The following THSD4 variants were observed in gnomAD, a reference collection of about 807,000 sequenced individuals.
The protein encoded by THSD4 is thrombospondin type-1 domain-containing protein 4.
In THSD4, 69 loss-of-function variants were observed where a neutral mutation model predicts 119.0. The observed-to-expected ratio is 0.58, with a 90% CI of 0.48 to 0.71. THSD4 has a LOEUF of 0.71. THSD4 is among the 30% of genes least tolerant of loss of function. The pLI, the probability that THSD4 is intolerant of heterozygous loss-of-function variation, is 0.00. For missense variants in THSD4, 1,393 were observed against 1,391.1 expected (o/e 1.00, Z -0.02); for synonymous variants, 524 against 540.4 (o/e 0.97, Z 0.42).
chr15:71,248,787 T>C (rs1372590283), intron 5 of THSD4, among the ~76,000 whole-genome samples: 1 of 152,168 alleles, frequency 6.6e-6, no homozygotes. Context: ...CTAATTCTAC[T>C]CCATCTCTAG....
Position 71,242,734 on chromosome 15 carries a change from C to T in THSD4, c.550C>T (p.His184Tyr). 1 of 1,614,196 alleles carries T rather than the reference C, an allele frequency of 6.2e-7. No homozygotes were observed. The highest frequency in any genetic ancestry group is 8.5e-7 in the Non-Finnish European group (1 of 1,180,042). The stretch of plus-strand genomic sequence containing the variant: ...CTTACCACTGCAGACAGACACTGCA[C>T]ACACGCCACAGAGGCTCCGGAGACA... ...YILPLQTDTA[H>Y]TPQRLRRQKL... is the part of the protein sequence containing the mutation. The change falls in exon 5 of 18, where the codon CAC becomes TAC. Residue 184 changes from histidine (H) to tyrosine (Y), a missense_variant. Coordinates refer to ENST00000261862, the MANE Select transcript of THSD4 (RefSeq NM_024817.3).
intron 7 of THSD4, among the ~76,000 whole-genome samples, chr15:71,412,873 G>C (rs992789148): frequency 2.6e-5 from 4 of 152,040 alleles, no homozygotes; most frequent in Admixed American, 2.0e-4. Context: ...ATATTTATGA[G>C]GTATATGTGA....
intron 7 of THSD4, among the ~76,000 whole-genome samples, chr15:71,530,275 TG>T (rs1468075729): frequency 4.6e-5 from 7 of 152,218 alleles, no homozygotes; most frequent in Admixed American, 3.9e-4. Flanking sequence ...GTGCCAAGAT[TG>T]GGGCTGGTTC....
chr15:71,761,866 C>T (rs1379061737), intron 15 of THSD4, among the ~76,000 whole-genome samples: 3 of 152,168 alleles, frequency 2.0e-5, no homozygotes, highest in Non-Finnish European at 4.4e-5. Context: ...TCACTGCTTC[C>T]TCTTCCTTGG....
intron 1 of THSD4, among the ~76,000 whole-genome samples, chr15:71,116,535 T>C (rs893589486): frequency 2.6e-5 from 4 of 152,202 alleles, no homozygotes; most frequent in African/African-American, 9.7e-5. Context: ...TTTGCCGTCT[T>C]ACTAAAAGTG....
chr15:71,443,593 AAAC>A (rs1157013246), intron 7 of THSD4, among the ~76,000 whole-genome samples: 1 of 152,196 alleles, frequency 6.6e-6, no homozygotes, highest in East Asian at 1.9e-4. Context: ...AGGCAAAACA[AAAC>A]AAAAAACACA....
chr15:71,258,830 C>G (rs1415718023), intron 6 of THSD4, among the ~76,000 whole-genome samples: 3 of 152,066 alleles, frequency 2.0e-5, no homozygotes, highest in African/African-American at 7.2e-5. Flanking sequence ...AGAGTGGGCT[C>G]TTAATCTGGA....
intron 7 of THSD4, among the ~76,000 whole-genome samples, chr15:71,590,222 G>C (rs1181238283): frequency 1.4e-5 from 2 of 138,704 alleles, no homozygotes; most frequent in African/African-American, 5.0e-5. Context: ...CTGAAGACTT[G>C]AAATATTCCG....
At chr15:71,410,467 T>A (rs1324403562) in intron 6 of THSD4, among the ~76,000 whole-genome samples, 2 of 152,142 alleles carry the variant, frequency 1.3e-5, no homozygotes, top group African/African-American at 4.8e-5. Flanking sequence ...AAGGAACAGT[T>A]AAGCAACGGC....
At chr15:71,767,420 A>G (rs2053733371) in intron 16 of THSD4, 1 of 152,220 alleles carries the variant, frequency 6.6e-6, no homozygotes, top group African/African-American at 2.4e-5. Flanking sequence ...TTACTGCAGA[A>G]GAATGTTCAC....
chr15:71,357,272 C>T (rs1450662797), intron 6 of THSD4, among the ~76,000 whole-genome samples: 1 of 152,238 alleles, frequency 6.6e-6, no homozygotes, highest in Non-Finnish European at 1.5e-5. Flanking sequence ...GACATCTGCA[C>T]TGCAGGGACT....
chr15:71,226,240 C>T (rs2044017274), intron 4 of THSD4, among the ~76,000 whole-genome samples: 1 of 152,158 alleles, frequency 6.6e-6, no homozygotes, highest in Admixed American at 6.5e-5. Context: ...AAACATAAGA[C>T]ACCATTCAAA....
intron 8 of THSD4, among the ~76,000 whole-genome samples, chr15:71,692,231 T>C (rs2052068817): frequency 6.6e-6 from 1 of 152,096 alleles, no homozygotes; most frequent in South Asian, 2.1e-4. Flanking sequence ...TAAAGATGAG[T>C]TAATTTCAAT....
chr15:71,776,308 T>G (rs2053911511), intron 17 of THSD4, among the ~76,000 whole-genome samples: 1 of 152,190 alleles, frequency 6.6e-6, no homozygotes, highest in Non-Finnish European at 1.5e-5. Flanking sequence ...GAAGAAGATA[T>G]TTGCAGCACA....
At chr15:71,625,200 G>A (rs771164580) in intron 7 of THSD4, among the ~76,000 whole-genome samples, 1 of 152,102 alleles carries the variant, frequency 6.6e-6, no homozygotes, top group Non-Finnish European at 1.5e-5. Context: ...TAGAGATGGG[G>A]TTTCACCATG....
intron 7 of THSD4, among the ~76,000 whole-genome samples, chr15:71,555,044 C>T (rs1276267133): frequency 1.3e-5 from 2 of 152,088 alleles, no homozygotes; most frequent in Admixed American, 6.6e-5. Flanking sequence ...CACTTCATTG[C>T]TTTTATTTAT....
intron 3 of THSD4, among the ~76,000 whole-genome samples, chr15:71,168,847 G>A (rs1307010583): frequency 6.6e-6 from 1 of 152,038 alleles, no homozygotes; most frequent in Non-Finnish European, 1.5e-5. Flanking sequence ...AAGAAGAAAG[G>A]AAAAAACAGT....
intron 7 of THSD4, among the ~76,000 whole-genome samples, chr15:71,467,206 A>G (rs1232601092): frequency 6.6e-6 from 1 of 152,244 alleles, no homozygotes; most frequent in Non-Finnish European, 1.5e-5. Context: ...GAATTGACTA[A>G]CTTTACTAAA....
chr15:71,162,491 A>G (rs2043257197), intron 3 of THSD4, among the ~76,000 whole-genome samples: 1 of 152,074 alleles, frequency 6.6e-6, no homozygotes, highest in Non-Finnish European at 1.5e-5. Context: ...TGCTAAAAAA[A>G]AAATCTGCTG....
Sources: allele counts gnomAD v4.1 joint callset (sites outside exome capture counted in the v4.1 genomes callset), GRCh38; gene constraint gnomAD v4.1.1; transcripts MANE v1.5; gene names NCBI Gene and HGNC (gene_info 2026-07-23, HGNC 2026-07-21).